Variants in RSPO2 observed in about 807,000 individuals in gnomAD.
RSPO2 encodes R-spondin 2, also known as R-spondin-2.
RSPO2 carries 14 observed loss-of-function variants against 30.9 expected under a neutral mutation model. That is an observed-to-expected ratio of 0.45 (90% confidence interval 0.30 to 0.71). The LOEUF (loss-of-function observed/expected upper bound fraction) is 0.71, where lower values mean the gene tolerates loss of function less well. RSPO2 is among the 30% of genes least tolerant of loss of function. The pLI is 0.08. For synonymous variants in RSPO2, 107 were observed against 96.4 expected, an observed-to-expected ratio of 1.11 and a Z score of -0.64; for missense variants, 264 against 301.9, an observed-to-expected ratio of 0.87 and a Z score of 0.93.
chr8:107,945,495 G>A (rs890080040), intron 5 of RSPO2, among the ~76,000 whole-genome samples: 6 of 151,904 alleles, frequency 3.9e-5, no homozygotes, highest in African/African-American at 9.7e-5. Flanking sequence ...TGATCTGCCT[G>A]CCTCGGCCTC....
intron 2 of RSPO2, among the ~76,000 whole-genome samples, chr8:108,027,112 G>T (rs966947311): frequency 1.1e-4 from 17 of 152,052 alleles, no homozygotes; most frequent in African/African-American, 3.6e-4. Context: ...CAAATCATCA[G>T]ATTTCTACAT....
At chr8:108,065,565 T>C (rs1456192962) in intron 2 of RSPO2, among the ~76,000 whole-genome samples, 1 of 151,090 alleles carries the variant, frequency 6.6e-6, no homozygotes, top group Non-Finnish European at 1.5e-5. Flanking sequence ...ATGCCAATAG[T>C]AATGATTCAA....
chr8:108,048,176 C>T (rs1586656796), intron 2 of RSPO2, among the ~76,000 whole-genome samples: 1 of 152,000 alleles, frequency 6.6e-6, no homozygotes, highest in Non-Finnish European at 1.5e-5. Flanking sequence ...TAAAGACACA[C>T]AGCTGTGACC....
intron 2 of RSPO2, among the ~76,000 whole-genome samples, chr8:108,043,892 G>A (rs7014699): frequency 6.6e-6 from 1 of 151,892 alleles, no homozygotes; most frequent in African/African-American, 2.4e-5. Context: ...ATCAAACTCA[G>A]CTTTAGAAAT....
intron 2 of RSPO2, among the ~76,000 whole-genome samples, chr8:108,026,360 G>T (rs1811217540): frequency 6.6e-6 from 1 of 152,160 alleles, no homozygotes; most frequent in Non-Finnish European, 1.5e-5. Flanking sequence ...ACAAAAAGCA[G>T]AGGTGCAATT....
At chr8:108,019,075 C>T (rs1268721704) in intron 2 of RSPO2, among the ~76,000 whole-genome samples, 1 of 152,138 alleles carries the variant, frequency 6.6e-6, no homozygotes, top group African/African-American at 2.4e-5. Flanking sequence ...CACATAGTCT[C>T]GAATATATCC....
intron 2 of RSPO2, among the ~76,000 whole-genome samples, chr8:107,995,658 A>C (rs1197927669): frequency 6.6e-6 from 1 of 152,092 alleles, no homozygotes. Context: ...TCTGATCCTC[A>C]CAATTCCAAT....
chr8:108,063,447 T>A (rs1227575697), intron 2 of RSPO2, among the ~76,000 whole-genome samples: 1 of 151,712 alleles, frequency 6.6e-6, no homozygotes, highest in Non-Finnish European at 1.5e-5. Flanking sequence ...TCAAAGAGAA[T>A]AAAATGCCTA....
At chr8:107,937,101 T>G (rs373346436) in intron 5 of RSPO2, among the ~76,000 whole-genome samples, 47 of 151,960 alleles carry the variant, frequency 3.1e-4, no homozygotes, top group African/African-American at 1.1e-3. Context: ...ATTTTTTTAC[T>G]AGTAGTTTTA....
chr8:108,012,483 A>C (rs771079097), intron 2 of RSPO2, among the ~76,000 whole-genome samples: 5 of 152,234 alleles, frequency 3.3e-5, no homozygotes, highest in Non-Finnish European at 7.3e-5. Context: ...ATCTGCACCC[A>C]AAAACCCTAA....
chr8:108,055,381 A>G lies in RSPO2; in HGVS notation c.94+27164T>C, dbSNP rs1302987332. The stretch of plus-strand genomic sequence containing the variant: ...AGAGAGGCTTCCAGGCTAGGCGAGG[A>G]GTTTGTTTTATTTGAGGTGTAATAG... On this transcript the variant is annotated intron_variant, in intron 2 of 5. Coordinates refer to ENST00000276659, the MANE Select transcript of RSPO2 (RefSeq NM_178565.5). Among the ~76,000 whole-genome samples the G allele has an allele frequency of 2.0e-5, 3 of 152,054 alleles. No homozygotes were observed. The East Asian group carries it at 5.8e-4, about 29-fold the overall frequency.
intron 5 of RSPO2, among the ~76,000 whole-genome samples, chr8:107,934,371 C>CTTTTTTTTTTTTTTTTTTTTTT (rs3039296): frequency 7.1e-6 from 1 of 141,834 alleles, no homozygotes. Context: ...TCTCATTTCC[C>CTTTTTTTTTTTTTTTTTTTTTT]TTTTTTTTTT....
intron 3 of RSPO2, among the ~76,000 whole-genome samples, chr8:107,961,244 TA>T (rs1813617871): frequency 2.0e-5 from 3 of 152,200 alleles, no homozygotes; most frequent in Non-Finnish European, 2.9e-5. Flanking sequence ...TTTTAATTTT[TA>T]AAATGTTTTA....
At chr8:108,030,481 C>T (rs1230047650) in intron 2 of RSPO2, among the ~76,000 whole-genome samples, 2 of 152,134 alleles carry the variant, frequency 1.3e-5, no homozygotes, top group African/African-American at 4.8e-5. Context: ...CTAGTGGATG[C>T]CCAGGCAAGG....
intron 2 of RSPO2, among the ~76,000 whole-genome samples, chr8:108,043,339 GAAC>G (rs978280331): frequency 1.3e-5 from 2 of 152,094 alleles, no homozygotes; most frequent in African/African-American, 4.8e-5. Context: ...ATAAAAGCAG[GAAC>G]AACAACTCAG....
intron 3 of RSPO2, among the ~76,000 whole-genome samples, chr8:107,978,682 A>C (rs1335765353): frequency 2.0e-5 from 3 of 152,142 alleles, no homozygotes; most frequent in Non-Finnish European, 4.4e-5. Context: ...TGACAAATGG[A>C]ATCTAATTAA....
intron 5 of RSPO2, among the ~76,000 whole-genome samples, chr8:107,955,399 C>T (rs911457978): frequency 6.6e-6 from 1 of 152,006 alleles, no homozygotes; most frequent in African/African-American, 2.4e-5. Context: ...AACTCCAGAC[C>T]AGGACCCTGA....
intron 2 of RSPO2, among the ~76,000 whole-genome samples, chr8:108,027,622 G>A (rs975498963): frequency 1.3e-5 from 2 of 152,014 alleles, no homozygotes; most frequent in Non-Finnish European, 2.9e-5. Context: ...CAAGCCAACA[G>A]TATCCATTAG....
intron 3 of RSPO2, among the ~76,000 whole-genome samples, chr8:107,971,590 G>T (rs549129075): frequency 5.1e-4 from 78 of 152,294 alleles, no homozygotes; most frequent in African/African-American, 1.9e-3. Context: ...AACCATTACT[G>T]AAGTTGTTAA....
Sources: allele counts gnomAD v4.1 joint callset (sites outside exome capture counted in the v4.1 genomes callset), GRCh38; gene constraint gnomAD v4.1.1; transcripts MANE v1.5; gene names NCBI Gene and HGNC (gene_info 2026-07-23, HGNC 2026-07-21).